Variants in MYH9 observed in about 807,000 individuals in gnomAD.
MYH9 encodes myosin-9.
Under a neutral mutation model 241.9 loss-of-function variants are expected in MYH9, and 29 were observed. The ratio of observed to expected loss-of-function variants is 0.12; its 90% CI spans 0.09 to 0.16. MYH9 has a LOEUF of 0.16. MYH9 is among the 10% of genes least tolerant of loss of function. The probability of loss-of-function intolerance (pLI) is 1.00; values close to 1 mark genes in which losing one functional copy is unlikely to be tolerated. For missense variants in MYH9, 1,803 were observed against 2,595.5 expected, an observed-to-expected ratio of 0.69 and a Z score of 6.63; for synonymous variants, 1,047 against 1,062.6, an observed-to-expected ratio of 0.99 and a Z score of 0.29.
rs576060996 is a variant in MYH9 at position 36,337,088 on chromosome 22, C to T, written c.490+4282G>A. Among the ~76,000 whole-genome samples the T allele has an allele frequency of 7.9e-5, 12 of 151,608 alleles. No individual in the cohort carries two copies. In the East Asian group the frequency reaches 1.7e-3, roughly 22 times the overall value. On this transcript the variant is annotated intron_variant, in intron 3 of 40. Transcript: ENST00000216181. ...CTCCAGGCAGCCACTACTGATCGAT[C>T]GGAGATGACACTCAAAGTAAAACTA...
chr22:36,297,194 T>C (rs2016802497), intron 24 of MYH9, 180 bp from the exon 25 acceptor site: 1 of 678,748 alleles, frequency 1.5e-6, no homozygotes, highest in Non-Finnish European at 2.5e-6. Context: ...TGCAAACTGC[T>C]AGCCCCTGGC....
chr22:36,337,397 A>C (rs2146380422), intron 3 of MYH9, among the ~76,000 whole-genome samples: 1 of 152,300 alleles, frequency 6.6e-6, no homozygotes, highest in African/African-American at 2.4e-5. Context: ...TTTATCCTCC[A>C]AACTGGGATG....
At chr22:36,358,182 A>G (rs1369992898) in intron 1 of MYH9, among the ~76,000 whole-genome samples, 1 of 152,180 alleles carries the variant, frequency 6.6e-6, no homozygotes, top group Non-Finnish European at 1.5e-5. Context: ...CTCCTGCCTC[A>G]GCCTCCCGAG....
Position 36,293,615 on chromosome 22 carries a change from C to T in MYH9, c.3943-134G>A. 1 of 1,399,562 alleles carries T rather than the reference C, an allele frequency of 7.1e-7. No individual in the cohort carries two copies. Among genetic ancestry groups the T allele is most frequent in the Non-Finnish European group, 1.0e-6 (1 of 1,000,960 alleles). The allele number at this position is 1,399,562 out of a possible 1,614,324, so 86.7% of individuals were successfully genotyped here. ...TGGCCACGTAAAGACCTGGAGGGAG[C>T]TGGGAGGACGCAGAGACCCACCCAC... On this transcript the variant is annotated intron_variant, in intron 29 of 40. Transcript: ENST00000216181. This position sits in a 1 kb window ranked among gnomAD's most constrained non-coding sequence, Gnocchi z 5.1.
intron 19 of MYH9, 116 bp downstream of exon 19, chr22:36,303,879 G>A (rs1214489014): frequency 6.6e-6 from 8 of 1,214,056 alleles, no homozygotes; most frequent in African/African-American, 1.5e-5. Context: ...AGCCACCTGG[G>A]CCTCCCTGAC....
At position 36,288,144 on chromosome 22, in the gene MYH9, A is replaced by T; in HGVS notation, c.4932+108T>A. 7.3e-7 allele frequency: 1 copy of T among 1,369,814 alleles called. No homozygotes were observed. The highest frequency in any genetic ancestry group is 1.7e-5 in the Admixed American group (1 of 58,914). The allele number at this position is 1,369,814 out of a possible 1,614,324, so 84.9% of individuals were successfully genotyped here. On this transcript the variant is annotated intron_variant, in intron 34 of 40. Transcript: ENST00000216181. This position sits in a 1 kb window ranked among gnomAD's most constrained non-coding sequence, Gnocchi z 4.8. ...TGGAAGCACCCAGGACCTTCCCAGG[A>T]GGTGCCACCCTGCCAGGTTCCCGCC...
Position 36,293,443 on chromosome 22 carries a change from C to T in MYH9, c.3981G>A (p.Leu1327=), listed in dbSNP as rs1195026887. ...LQEENRQKLS[L]STKLKQVEDE... ...CCTCCACCTGCTTGAGCTTGGTGCT[C>T]AGGCTCAGCTTCTGCCGGTTCTCCT... Residue 1327 remains leucine (L), a synonymous_variant, in exon 30 of 41, where the codon CTG becomes CTA. Transcript: ENST00000216181. The surrounding 1 kb of genome is among the most constrained non-coding windows in gnomAD (Gnocchi z 5.1). The T allele has an allele frequency of 1.2e-6, 2 of 1,613,828 alleles. No homozygotes were observed. The highest frequency in any genetic ancestry group is 1.1e-5 in the South Asian group (1 of 91,072).
At chr22:36,290,706 G>A (rs905931697) in intron 31 of MYH9, among the ~76,000 whole-genome samples, 4 of 150,904 alleles carry the variant, frequency 2.7e-5, no homozygotes, top group South Asian at 2.1e-4. Context: ...GGTGAGGAGC[G>A]CCTCTTCCCG....
chr22:36,381,735 C>T (rs1265071062), intron 1 of MYH9, among the ~76,000 whole-genome samples: 1 of 152,086 alleles, frequency 6.6e-6, no homozygotes, highest in Non-Finnish European at 1.5e-5. Flanking sequence ...GAGAGCACAC[C>T]CTATCAGTAC....
intron 11 of MYH9, among the ~76,000 whole-genome samples, chr22:36,317,488 TG>T (rs565217160): frequency 6.6e-6 from 1 of 152,206 alleles, no homozygotes; most frequent in Non-Finnish European, 1.5e-5. Context: ...CGATGTCTTT[TG>T]AAAACAACAG....
Position 36,349,220 on chromosome 22 carries a change from G to A in MYH9, c.17C>T (p.Ala6Val). 1 of 1,614,168 alleles carries A rather than the reference G, an allele frequency of 6.2e-7. No homozygotes were observed. The highest frequency in any genetic ancestry group is 8.5e-7 in the Non-Finnish European group (1 of 1,180,040). The stretch of plus-strand genomic sequence containing the variant: ...TTTATCCACATAGAGATACTTATCG[G>A]CAGCTTGCTGTGCCATGGTGACTTA... MAQQA[A>V]DKYLYVDKNF... The change falls in exon 2 of 41, where the codon GCC becomes GTC. Residue 6 changes from alanine to valine, a missense_variant. By Grantham distance (64) the Ala-to-Val change is moderately conservative. Around this residue, in one of 11 missense-constraint regions of MYH9, gnomAD observed 75 missense variants for 79.1 expected, o/e 0.95. Transcript: ENST00000216181.
intron 1 of MYH9, among the ~76,000 whole-genome samples, chr22:36,384,612 ATATATATATATATAT>A (rs1347708623): frequency 2.2e-4 from 2 of 9,280 alleles, no homozygotes; most frequent in Admixed American, 2.2e-3. Context: ...AAAAAAAAAA[ATATATATATATATAT>A]ATATATATAT....
chr22:36,382,202 C>T (rs759689914), intron 1 of MYH9, among the ~76,000 whole-genome samples: 52 of 151,702 alleles, frequency 3.4e-4, no homozygotes, highest in Admixed American at 9.9e-4. Context: ...TGGCCAGGTG[C>T]GGTGGCTCAC....
chr22:36,322,671 C>A, intron 5 of MYH9, 150 bp from the exon 6 acceptor site: 1 of 739,880 alleles, frequency 1.4e-6, no homozygotes, highest in East Asian at 2.7e-5. Flanking sequence ...GTGTGCGACT[C>A]CAACCAAGGC....
chr22:36,359,988 A>C (rs1300264507), intron 1 of MYH9, among the ~76,000 whole-genome samples: 1 of 151,182 alleles, frequency 6.6e-6, no homozygotes, highest in Non-Finnish European at 1.5e-5. Context: ...GTGACCTTGA[A>C]GCTGTTAGCA....
At chr22:36,302,769 A>G (rs1033336196) in intron 19 of MYH9, 93 bp from the exon 20 acceptor site, 3 of 1,110,796 alleles carry the variant, frequency 2.7e-6, no homozygotes, top group African/African-American at 3.1e-5. Context: ...CTGGGGGTCT[A>G]CCCTTGCCTG....
chr22:36,316,030 C>G (rs186098013), intron 12 of MYH9, among the ~76,000 whole-genome samples: 2 of 142,830 alleles, frequency 1.4e-5, no homozygotes, highest in Non-Finnish European at 3.1e-5. Context: ...AAAGCGAGAC[C>G]CTGACTTTTT....
Position 36,286,830 on chromosome 22 carries a change from C to T in MYH9, c.4949G>A (p.Cys1650Tyr). 1 of 1,609,024 alleles carries T rather than the reference C, an allele frequency of 6.2e-7. No individual in the cohort carries two copies. Among genetic ancestry groups the T allele is most frequent in the South Asian group, 1.1e-5 (1 of 91,092 alleles). The change falls in exon 35 of 41, where the codon TGC becomes TAC. Residue 1650 changes from cysteine (C) to tyrosine (Y), a missense_variant. Transcript: ENST00000216181. ...GCGGGTGTCATCCAGCTCGCGCATG[C>T]AGTCCTTCATCTGGGCCTGGGGTGG... ...LRKLQAQMKD[C>Y]MRELDDTRAS...
intron 5 of MYH9, among the ~76,000 whole-genome samples, chr22:36,322,889 C>A (rs2017277887): frequency 6.6e-6 from 1 of 152,240 alleles, no homozygotes; most frequent in Non-Finnish European, 1.5e-5. Context: ...ACCCTGTATA[C>A]ACCAGCTTCC....
Sources: allele counts gnomAD v4.1 joint callset (sites outside exome capture counted in the v4.1 genomes callset), GRCh38; gene constraint gnomAD v4.1.1; regional missense constraint gnomAD v4.1.1; non-coding constraint Gnocchi (gnomAD v3.1); transcripts MANE v1.5; gene names NCBI Gene and HGNC (gene_info 2026-07-23, HGNC 2026-07-21).